MPDZ: variants seen among roughly 807,000 people sequenced by gnomAD.
MPDZ encodes multiple PDZ domain protein.
MPDZ carries 234 observed loss-of-function variants against 239.1 expected under a neutral mutation model. That is an observed-to-expected ratio of 0.98 (90% CI 0.88 to 1.09). The LOEUF is 1.09. Among genes scored for constraint, MPDZ ranks in the 50% least tolerant of loss-of-function variants. The probability of loss-of-function intolerance (pLI) is 0.00; values close to 1 mark genes in which losing one functional copy is unlikely to be tolerated. For missense variants in MPDZ, 3,175 were observed against 2,510.0 expected, an observed-to-expected ratio of 1.26 and a Z score of -5.66; for synonymous variants, 1,048 against 881.3, an observed-to-expected ratio of 1.19 and a Z score of -3.35.
At chr9:13,185,794 T>C (rs1954012392) in intron 18 of MPDZ, among the ~76,000 whole-genome samples, 1 of 152,160 alleles carries the variant, frequency 6.6e-6, no homozygotes, top group Non-Finnish European at 1.5e-5. Flanking sequence ...TATGTATTTA[T>C]AGAAAACATG....
In MPDZ at chr9:13,279,400, C is replaced by G. The variant is rs1168347022; in HGVS notation, c.-58G>C. On this transcript the variant is annotated splice_region_variant and 5_prime_UTR_variant, in exon 1 of 47. Coordinates refer to ENST00000319217, the MANE Select transcript of MPDZ (RefSeq NM_001378778.1). ...GGGCCGGGGCTCAAGCGCCGCTTAC[C>G]CGGCTCGCGGCGCCCGCCCAGGGCC... 1 of 146,852 alleles carries G rather than the reference C, an allele frequency of 6.8e-6. No homozygotes were observed. Among genetic ancestry groups the G allele is most frequent in the African/African-American group, 2.5e-5 (1 of 40,742 alleles). The allele number at this position is 146,852 out of a possible 1,614,324, so 9.1% of individuals were successfully genotyped here.
chr9:13,260,327 T>A (rs1027141775), intron 1 of MPDZ, among the ~76,000 whole-genome samples: 17 of 152,028 alleles, frequency 1.1e-4, no homozygotes, highest in Non-Finnish European at 7.4e-5. Flanking sequence ...AGATTAAGAT[T>A]AGTTAAGAGA....
In MPDZ at chr9:13,219,724, G is replaced by T. The variant is rs1434122765; in HGVS notation, c.921C>A (p.Asp307Glu). The T allele has an allele frequency of 6.2e-7, 1 of 1,612,638 alleles. No individual in the cohort carries two copies. The change falls in exon 8 of 47, where the codon GAC becomes GAA. Residue 307 changes from aspartate to glutamate, a missense_variant. Asp to Glu is a conservative substitution (Grantham distance 45). Coordinates refer to ENST00000319217, the MANE Select transcript of MPDZ (RefSeq NM_001378778.1). ...CSGDHILKIG[D>E]TDLAGMSSEQ... ...CACTGCTCATTCCTGCTAGATCTGT[G>T]TCACCAATCTTTAGAATGTGGTCTC...
chr9:13,107,208 TTG>T, intron 46 of MPDZ, 97 bp from the exon 47 acceptor site: 2 of 1,291,142 alleles, frequency 1.5e-6, no homozygotes, highest in Non-Finnish European at 2.1e-6. Context: ...ATTGCTCTGC[TTG>T]TACACACACA....
intron 1 of MPDZ, among the ~76,000 whole-genome samples, chr9:13,272,619 A>G (rs1454147087): frequency 6.8e-6 from 1 of 146,354 alleles, no homozygotes; most frequent in African/African-American, 2.5e-5. Flanking sequence ...ACACTTTTGG[A>G]GGCTGAGGCG....
chr9:13,169,311 C>T (rs574647546), intron 21 of MPDZ, among the ~76,000 whole-genome samples: 224 of 152,136 alleles, frequency 1.5e-3, no homozygotes, highest in African/African-American at 5.2e-3. Context: ...AAAATTGAAC[C>T]TGCAATTTTT....
At chr9:13,165,844 T>A (rs1165541472) in intron 22 of MPDZ, among the ~76,000 whole-genome samples, 1 of 152,148 alleles carries the variant, frequency 6.6e-6, no homozygotes, top group Non-Finnish European at 1.5e-5. Flanking sequence ...AGGCTTCGCA[T>A]CTGGTTTTCC....
At chr9:13,260,270 A>G (rs1970377364) in intron 1 of MPDZ, among the ~76,000 whole-genome samples, 1 of 152,168 alleles carries the variant, frequency 6.6e-6, no homozygotes, top group Non-Finnish European at 1.5e-5. Context: ...GGTAAGAGGC[A>G]TTTTCAAAAC....
chr9:13,132,651 C>G (rs1946173581), intron 32 of MPDZ, among the ~76,000 whole-genome samples: 1 of 152,056 alleles, frequency 6.6e-6, no homozygotes, highest in African/African-American at 2.4e-5. Context: ...TATATGTGTG[C>G]CAGGTGCTGG....
chr9:13,218,629 G>T (rs1388925995), intron 8 of MPDZ, among the ~76,000 whole-genome samples: 1 of 151,738 alleles, frequency 6.6e-6, no homozygotes, highest in Non-Finnish European at 1.5e-5. Context: ...AGTTTTAAAG[G>T]GCTTGTGGAG....
intron 22 of MPDZ, chr9:13,165,242 A>G: frequency 4.4e-6 from 4 of 914,604 alleles, no homozygotes; most frequent in Non-Finnish European, 4.8e-6. Context: ...AACAATCTAA[A>G]ATGTATATAC....
chr9:13,255,703 C>G (rs901231997), intron 1 of MPDZ, among the ~76,000 whole-genome samples: 3 of 152,194 alleles, frequency 2.0e-5, no homozygotes, highest in Non-Finnish European at 2.9e-5. Flanking sequence ...TAGGTCTCAA[C>G]AGCGGGCTTA....
At chr9:13,248,710 G>A (rs1273409388) in intron 2 of MPDZ, among the ~76,000 whole-genome samples, 1 of 151,724 alleles carries the variant, frequency 6.6e-6, no homozygotes, top group Non-Finnish European at 1.5e-5. Flanking sequence ...GCTCATGTCT[G>A]TAATCCCCGC....
intron 32 of MPDZ, 50 bp downstream of exon 32, chr9:13,133,774 C>G: frequency 7.8e-7 from 1 of 1,288,636 alleles, no homozygotes; most frequent in Non-Finnish European, 1.1e-6. Flanking sequence ...AATTAGAACA[C>G]TGAGGTAAAG....
At position 13,162,809 on chromosome 9, in the gene MPDZ, G is replaced by A. The variant is rs752020946; in HGVS notation, c.3255-14C>T. 3 of 1,554,822 alleles carry A rather than the reference G, an allele frequency of 1.9e-6. No homozygotes were observed. The highest frequency in any genetic ancestry group is 1.1e-5 in the South Asian group (1 of 87,244). On this transcript the variant is annotated splice_polypyrimidine_tract_variant and intron_variant, in intron 22 of 46. Coordinates refer to ENST00000319217, the MANE Select transcript of MPDZ (RefSeq NM_001378778.1). ...ACATAAGTAATTCTGGAACAAACCAGAATCCATGGAAGTGAAGGGAAATAA... is the reference window on the plus strand; with the variant it reads ...ACATAAGTAATTCTGGAACAAACCAAAATCCATGGAAGTGAAGGGAAATAA...
At chr9:13,260,984 C>T (rs1264452466) in intron 1 of MPDZ, among the ~76,000 whole-genome samples, 1 of 152,174 alleles carries the variant, frequency 6.6e-6, no homozygotes, top group Non-Finnish European at 1.5e-5. Flanking sequence ...CCAACCATAA[C>T]CAAGGGAACC....
chr9:13,184,097 T>C (rs1953756795), intron 18 of MPDZ, among the ~76,000 whole-genome samples: 1 of 151,930 alleles, frequency 6.6e-6, no homozygotes, highest in African/African-American at 2.4e-5. Context: ...AAAAAGAAAA[T>C]CTGTGATTTC....
At chr9:13,113,528 T>C (rs976453960) in intron 41 of MPDZ, among the ~76,000 whole-genome samples, 3 of 152,192 alleles carry the variant, frequency 2.0e-5, no homozygotes, top group Admixed American at 6.6e-5. Flanking sequence ...TGCAGCATGA[T>C]TTCACGTAAT....
intron 1 of MPDZ, among the ~76,000 whole-genome samples, chr9:13,258,309 A>G (rs1969911168): frequency 6.6e-6 from 1 of 152,222 alleles, no homozygotes. Flanking sequence ...AAATAACTCT[A>G]TGAAGAGAAA....
Sources: gnomAD v4.1 joint callset for allele counts (sites outside exome capture counted in the v4.1 genomes callset) on GRCh38, gnomAD v4.1.1 for gene constraint, MANE v1.5 for transcripts, NCBI Gene and HGNC (gene_info 2026-07-23, HGNC 2026-07-21) for gene names.